The following KLKB1 variants were observed in gnomAD, a reference collection of about 807,000 sequenced individuals.
KLKB1 encodes kallikrein B1.
A neutral mutation model predicts 73.6 loss-of-function variants in KLKB1; 58 were observed. The observed-to-expected ratio is 0.79, with a 90% CI of 0.64 to 0.98. The LOEUF (loss-of-function observed/expected upper bound fraction) is 0.98, where lower values mean the gene tolerates loss of function less well. Among genes scored for constraint, KLKB1 ranks in the 50% least tolerant of loss-of-function variants. The pLI, the probability that KLKB1 is intolerant of heterozygous loss-of-function variation, is 0.00. For synonymous variants in KLKB1, 280 were observed against 258.1 expected (o/e 1.08, Z -0.81); for missense variants, 737 against 763.8 (o/e 0.96, Z 0.41).
intron 12 of KLKB1, 27 bp from the exon 13 acceptor site, chr4:186,255,965 A>T: frequency 1.4e-6 from 2 of 1,409,118 alleles, no homozygotes; most frequent in Non-Finnish European, 2.0e-6. Context: ...TATTTGACCA[A>T]ACTCTAATTT....
intron 7 of KLKB1, 30 bp downstream of exon 7, chr4:186,250,432 A>G (rs556356918): frequency 6.2e-7 from 1 of 1,610,572 alleles, no homozygotes; most frequent in Non-Finnish European, 8.5e-7. Context: ...CGCATCACAA[A>G]GGCGAGTATG....
chr4:186,241,512 G>T (rs543931291), intron 6 of KLKB1, among the ~76,000 whole-genome samples: 1 of 152,002 alleles, frequency 6.6e-6, no homozygotes, highest in Non-Finnish European at 1.5e-5. Flanking sequence ...TTCTCTTGTG[G>T]TCCATCTTCC....
At chr4:186,246,380 A>G (rs1163283373) in intron 6 of KLKB1, among the ~76,000 whole-genome samples, 2 of 152,096 alleles carry the variant, frequency 1.3e-5, no homozygotes, top group Non-Finnish European at 2.9e-5. Context: ...TTGCATTGGG[A>G]ACAGAGACTA....
intron 13 of KLKB1, 73 bp from the exon 14 acceptor site, chr4:186,257,153 C>A: frequency 1.3e-6 from 1 of 775,038 alleles, no homozygotes; most frequent in Non-Finnish European, 2.0e-6. Context: ...TAATAATATT[C>A]CCAATATTAT....
chr4:186,250,658 A>T (rs1283594700), intron 7 of KLKB1, among the ~76,000 whole-genome samples: 4 of 152,226 alleles, frequency 2.6e-5, no homozygotes, highest in African/African-American at 9.6e-5. Context: ...GCCATGAGAA[A>T]AAAGAAGGAT....
At chr4:186,251,369 A>G in intron 8 of KLKB1, 41 bp downstream of exon 8, 2 of 1,520,346 alleles carry the variant, frequency 1.3e-6, no homozygotes, top group Non-Finnish European at 1.8e-6. Context: ...AATGTAACCT[A>G]TTTCATGACT....
At chr4:186,236,069 G>C (rs1320755523) in intron 4 of KLKB1, among the ~76,000 whole-genome samples, 13 of 144,304 alleles carry the variant, frequency 9.0e-5, no homozygotes, top group Non-Finnish European at 1.8e-4. Context: ...AGTCGAGATC[G>C]CGCCACTGCG....
At position 186,238,589 on chromosome 4, in the gene KLKB1, A is replaced by G. The variant is rs749109344; in HGVS notation, c.598+224A>G. Reference sequence around the variant, plus strand: ...GTTGAGTGCTCACAAGGCTCATAAGAAAAAGAGAGAGGCGGAAGGCTCAGA... The same window carrying G: ...GTTGAGTGCTCACAAGGCTCATAAGGAAAAGAGAGAGGCGGAAGGCTCAGA... On this transcript the variant is annotated intron_variant, in intron 6 of 14. Transcript: ENST00000264690. Among the ~76,000 whole-genome samples, 5 of 152,320 alleles carry G rather than the reference A, an allele frequency of 3.3e-5. No homozygotes were observed. The South Asian group carries it at 6.2e-4, about 19-fold the overall frequency.
chr4:186,230,641 T>C (rs1249528627), intron 2 of KLKB1, among the ~76,000 whole-genome samples: 1 of 152,226 alleles, frequency 6.6e-6, no homozygotes, highest in Non-Finnish European at 1.5e-5. Flanking sequence ...TAGAAGTTTC[T>C]TTCCATTCAG....
intron 11 of KLKB1, 134 bp downstream of exon 11, chr4:186,252,319 T>A: frequency 2.0e-6 from 2 of 990,554 alleles, no homozygotes; most frequent in Non-Finnish European, 3.1e-6. Context: ...TCACAACATT[T>A]AACTTATAGG....
intron 7 of KLKB1, 28 bp downstream of exon 7, chr4:186,250,430 A>T: frequency 6.2e-7 from 1 of 1,611,020 alleles, no homozygotes; most frequent in South Asian, 1.1e-5. Context: ...ATCGCATCAC[A>T]AAGGCGAGTA....
At chr4:186,213,538 G>T (rs1736796495) in intron 2 of KLKB1, 1 of 152,162 alleles carries the variant, frequency 6.6e-6, no homozygotes, top group African/African-American at 2.4e-5. Context: ...GAATTTCTCT[G>T]ACTCTGAAGA....
At chr4:186,215,153 A>G (rs4862666) in intron 2 of KLKB1, among the ~76,000 whole-genome samples, 122,016 of 152,026 alleles carry the variant, frequency 0.8, 50,381 homozygotes, top group East Asian at 0.93. Flanking sequence ...AATTATCACA[A>G]TATTTAGACA....
At chr4:186,218,051 A>G (rs1406849279) in intron 2 of KLKB1, among the ~76,000 whole-genome samples, 1 of 152,228 alleles carries the variant, frequency 6.6e-6, no homozygotes, top group African/African-American at 2.4e-5. Flanking sequence ...GAAAGCAGGC[A>G]TAGACAGCAA....
At chr4:186,236,378 C>T (rs998394987) in intron 4 of KLKB1, among the ~76,000 whole-genome samples, 1 of 152,194 alleles carries the variant, frequency 6.6e-6, no homozygotes, top group Non-Finnish European at 1.5e-5. Flanking sequence ...GAAGCTCTTT[C>T]ATTCAATGCG....
At position 186,251,833 on chromosome 4, in the gene KLKB1, G is replaced by A. The variant is rs572857859; in HGVS notation, c.1116G>A (p.Leu372=). ...YGTQGSSGYS[L]RLCNTGDNSV... Reference sequence around the variant, plus strand: ...CACAAGGGAGCTCTGGTTACTCTTTGAGATTGTGTAACACTGGGGACAACT... The same window carrying A: ...CACAAGGGAGCTCTGGTTACTCTTTAAGATTGTGTAACACTGGGGACAACT... The change falls in exon 10 of 15, where the codon TTG becomes TTA. Residue 372 remains leucine, a synonymous_variant. Coordinates refer to ENST00000264690, the MANE Select transcript of KLKB1 (RefSeq NM_000892.5). The A allele has an allele frequency of 1.1e-5, 17 of 1,613,688 alleles. 1 individual carries two copies. The South Asian group carries it at 1.8e-4, about 17-fold the overall frequency.
chr4:186,222,336 CT>C (rs1351197079), upstream of KLKB1, among the ~76,000 whole-genome samples: 1 of 152,120 alleles, frequency 6.6e-6, no homozygotes, highest in Non-Finnish European at 1.5e-5. Context: ...TCCTTTGTTG[CT>C]TCTTTTTGTC....
rs1737801794 is a variant in KLKB1 at position 186,238,254 on chromosome 4, A to C, written c.489-2A>C. On this transcript the variant is annotated splice_acceptor_variant, in intron 5 of 14. Coordinates refer to ENST00000264690, the MANE Select transcript of KLKB1 (RefSeq NM_000892.5). LOFTEE classifies it high-confidence loss of function. Reference sequence around the variant, plus strand: ...AAAGTAACCTCTTTTCTTCCCATTCAGGAACAATTGCCTATTAAAGTACAG... The same window carrying C: ...AAAGTAACCTCTTTTCTTCCCATTCCGGAACAATTGCCTATTAAAGTACAG... The C allele has an allele frequency of 6.3e-7, 1 of 1,599,958 alleles. No individual in the cohort carries two copies. Among genetic ancestry groups the C allele is most frequent in the African/African-American group, 1.3e-5 (1 of 74,540 alleles).
chr4:186,257,510 A>C, intron 14 of KLKB1, 145 bp downstream of exon 14: 1 of 483,924 alleles, frequency 2.1e-6, no homozygotes. Flanking sequence ...ACTTTTAACA[A>C]ATTGAATATA....
Sources: allele counts gnomAD v4.1 joint callset (sites outside exome capture counted in the v4.1 genomes callset), GRCh38; gene constraint gnomAD v4.1.1; transcripts MANE v1.5; gene names NCBI Gene and HGNC (gene_info 2026-07-23, HGNC 2026-07-21).